Variants in CNGA1 observed in about 807,000 individuals in gnomAD.
The protein encoded by CNGA1 is cyclic nucleotide gated channel subunit alpha 1.
CNGA1 carries 53 observed loss-of-function variants against 69.7 expected under a neutral mutation model. That is an observed-to-expected ratio of 0.76 (90% CI 0.61 to 0.96). The LOEUF (loss-of-function observed/expected upper bound fraction) is 0.96. Among genes scored for constraint, CNGA1 ranks in the 40% least tolerant of loss-of-function variants. The probability of loss-of-function intolerance (pLI) is 0.00; values close to 1 mark genes in which losing one functional copy is unlikely to be tolerated. For synonymous variants in CNGA1, 249 were observed against 283.5 expected (o/e 0.88, Z 1.22); for missense variants, 739 against 811.2 (o/e 0.91, Z 1.08).
At chr4:48,004,250 C>G (rs1056314258) in intron 2 of CNGA1, among the ~76,000 whole-genome samples, 1 of 152,234 alleles carries the variant, frequency 6.6e-6, no homozygotes, top group Admixed American at 6.5e-5. Flanking sequence ...GGAGATGGCT[C>G]ACACTCCTTA....
chr4:48,007,867 A>G (rs961646083), intron 2 of CNGA1, among the ~76,000 whole-genome samples: 2 of 152,208 alleles, frequency 1.3e-5, no homozygotes, highest in African/African-American at 4.8e-5. Context: ...TGTTAGCATC[A>G]GGCCACAACA....
intron 2 of CNGA1, among the ~76,000 whole-genome samples, chr4:47,990,057 C>A (rs1742186637): frequency 6.6e-6 from 1 of 152,024 alleles, no homozygotes; most frequent in South Asian, 2.1e-4. Context: ...ATTAACGGTA[C>A]AAATTGTGTG....
chr4:47,985,789 T>G (rs1030484353), intron 2 of CNGA1, among the ~76,000 whole-genome samples: 1 of 150,914 alleles, frequency 6.6e-6, no homozygotes, highest in Non-Finnish European at 1.5e-5. Context: ...TATTTAAGAA[T>G]GAACTAAATA....
At chr4:47,938,187 G>GA (rs1253229335) in intron 10 of CNGA1, among the ~76,000 whole-genome samples, 14 of 130,026 alleles carry the variant, frequency 1.1e-4, no homozygotes, top group Non-Finnish European at 2.0e-4. Context: ...AAAAAAAAAA[G>GA]AAAAAAAAAG....
intron 3 of CNGA1, among the ~76,000 whole-genome samples, chr4:47,956,219 G>A (rs1269243119): frequency 6.6e-6 from 1 of 152,220 alleles, no homozygotes; most frequent in Non-Finnish European, 1.5e-5. Flanking sequence ...TGCTATGGCT[G>A]CCAGCAAGAA....
At chr4:47,995,555 A>ATTT (rs60326082) in intron 2 of CNGA1, among the ~76,000 whole-genome samples, 7 of 150,112 alleles carry the variant, frequency 4.7e-5, no homozygotes, top group East Asian at 2.0e-4. Context: ...TTCTTGTATC[A>ATTT]TTTTTTTTTA....
intron 6 of CNGA1, among the ~76,000 whole-genome samples, chr4:47,944,572 G>T (rs1578069725): frequency 6.6e-6 from 1 of 152,282 alleles, no homozygotes. Flanking sequence ...GTGGAGGAAG[G>T]TATCAAAAGA....
intron 2 of CNGA1, among the ~76,000 whole-genome samples, chr4:47,982,313 T>G (rs1299786603): frequency 6.6e-6 from 1 of 152,228 alleles, no homozygotes; most frequent in African/African-American, 2.4e-5. Flanking sequence ...AATATTTTTC[T>G]TGCTGAACAA....
intron 1 of CNGA1, among the ~76,000 whole-genome samples, chr4:48,011,705 T>C (rs1188817477): frequency 6.6e-6 from 1 of 152,160 alleles, no homozygotes; most frequent in Non-Finnish European, 1.5e-5. Flanking sequence ...AAGAAATATA[T>C]TGGTTTGGTC....
intron 3 of CNGA1, among the ~76,000 whole-genome samples, chr4:47,980,453 T>G (rs943431818): frequency 2.0e-5 from 3 of 147,566 alleles, no homozygotes; most frequent in Non-Finnish European, 4.4e-5. Context: ...TGATAACAGT[T>G]TTTTATTTTT....
intron 1 of CNGA1, among the ~76,000 whole-genome samples, chr4:48,015,816 T>C (rs1715352534): frequency 6.6e-6 from 1 of 152,138 alleles, no homozygotes; most frequent in South Asian, 2.1e-4. Flanking sequence ...CAGGCTAGTC[T>C]CGAACTTGTG....
intron 3 of CNGA1, among the ~76,000 whole-genome samples, chr4:47,957,843 T>C (rs969997270): frequency 2.6e-5 from 4 of 152,136 alleles, no homozygotes; most frequent in African/African-American, 9.7e-5. Flanking sequence ...CTTTGGCCAT[T>C]CTCCTATGTT....
rs1208196079 is a variant in CNGA1, at chr4:47,936,794, C to T, written c.1688G>A (p.Ser563Asn). 1.9e-6 allele frequency: 3 copies of T among 1,614,132 alleles called. No individual in the cohort carries two copies. The highest frequency in any genetic ancestry group is 4.5e-5 in the East Asian group (2 of 44,880). The change falls in exon 11 of 11, where the codon AGT (serine) becomes AAT (asparagine). Residue 563 changes from serine to asparagine, a missense_variant. Physicochemically the swap from Ser to Asn is conservative, Grantham distance 46 (BLOSUM62 1). Transcript: ENST00000514170. ...AGNRRTANIK[S>N]IGYSDLFCLS... ...ACAGAACAGGTCTGAGTAGCCAATA[C>T]TTTTAATATTGGCCGTTCTTCGATT...
At chr4:47,985,048 C>G (rs911384220) in intron 2 of CNGA1, among the ~76,000 whole-genome samples, 1 of 152,016 alleles carries the variant, frequency 6.6e-6, no homozygotes, top group Non-Finnish European at 1.5e-5. Context: ...TTCACTAGCT[C>G]TGGGATTTGG....
rs769089133 is a variant in CNGA1, at chr4:47,937,117, A to T, written c.1365T>A (p.Asp455Glu). 3 of 1,614,200 alleles carry T rather than the reference A, an allele frequency of 1.9e-6. No homozygotes were observed. The highest frequency in any genetic ancestry group is 1.7e-6 in the Non-Finnish European group (2 of 1,180,040). Residue 455 changes from aspartate to glutamate, a missense_variant, in exon 11 of 11, where the codon GAT becomes GAA. Physicochemically the swap from Asp to Glu is conservative, Grantham distance 45. Coordinates refer to ENST00000514170, the MANE Select transcript of CNGA1 (RefSeq NM_001379270.1). ...TGATGGCAATTTCTGCTCTTAGTTT[A>T]TCAGGTAGATACTTTAAGACTTCTT... is the stretch of plus-strand genomic sequence containing the variant. ...DEKEVLKYLPDKLRAEIAINV... is the reference protein window; with the variant it reads ...DEKEVLKYLPEKLRAEIAINV...
chr4:47,977,903 T>C (rs575733504), intron 3 of CNGA1, among the ~76,000 whole-genome samples: 3 of 152,004 alleles, frequency 2.0e-5, no homozygotes, highest in Admixed American at 2.0e-4. Context: ...CTCGGCTCAC[T>C]GCAACCTCTG....
At position 47,951,484 on chromosome 4, in the gene CNGA1, G is replaced by A; in HGVS notation, c.108-15C>T. 2 of 1,530,110 alleles carry A rather than the reference G, an allele frequency of 1.3e-6. No homozygotes were observed. The highest frequency in any genetic ancestry group is 1.8e-6 in the Non-Finnish European group (2 of 1,104,010). 94.8% of individuals were successfully genotyped at this position (1,530,110 alleles called of 1,614,324 possible). Reference sequence around the variant, plus strand: ...CAGAAAAGGAGCTACAGTCCAATAGGAGGCAGAGAGAGAAGAGTTAATGTT... The same window carrying A: ...CAGAAAAGGAGCTACAGTCCAATAGAAGGCAGAGAGAGAAGAGTTAATGTT... On this transcript the variant is annotated splice_polypyrimidine_tract_variant and intron_variant, in intron 4 of 10. Coordinates refer to ENST00000514170, the MANE Select transcript of CNGA1 (RefSeq NM_001379270.1).
chr4:47,963,508 G>T (rs749329489), intron 3 of CNGA1, among the ~76,000 whole-genome samples: 1 of 152,166 alleles, frequency 6.6e-6, no homozygotes, highest in Non-Finnish European at 1.5e-5. Flanking sequence ...GGACAACTTT[G>T]TTCTTTAGGA....
intron 2 of CNGA1, among the ~76,000 whole-genome samples, chr4:47,995,149 G>C (rs1178447898): frequency 6.6e-6 from 1 of 151,384 alleles, no homozygotes; most frequent in Non-Finnish European, 1.5e-5. Context: ...TGATGACAAT[G>C]TGCCTAGGTG....
Sources: gnomAD v4.1 joint callset for allele counts (sites outside exome capture counted in the v4.1 genomes callset) on GRCh38, gnomAD v4.1.1 for gene constraint, MANE v1.5 for transcripts, NCBI Gene and HGNC (gene_info 2026-07-23, HGNC 2026-07-21) for gene names.